Variants in CADPS observed in about 807,000 individuals in gnomAD.
CADPS encodes the protein calcium-dependent secretion activator 1.
A neutral mutation model predicts 167.3 loss-of-function variants in CADPS; 57 were observed. The ratio of observed to expected loss-of-function variants is 0.34; its 90% confidence interval spans 0.28 to 0.42. CADPS has a LOEUF of 0.42. CADPS is among the 20% of genes least tolerant of loss of function. The pLI is 1.00. For missense variants in CADPS, 1,414 were observed against 1,738.1 expected, an observed-to-expected ratio of 0.81 and a Z score of 3.32; for synonymous variants, 676 against 635.3, an observed-to-expected ratio of 1.06 and a Z score of -0.96.
At chr3:62,720,796 G>C (rs973302976) in intron 3 of CADPS, among the ~76,000 whole-genome samples, 9 of 150,282 alleles carry the variant, frequency 6.0e-5, no homozygotes, top group African/African-American at 1.7e-4. Flanking sequence ...TTTCCATATT[G>C]TCCATTATAT....
At chr3:62,570,631 C>T (rs911051388) in intron 9 of CADPS, among the ~76,000 whole-genome samples, 2 of 152,064 alleles carry the variant, frequency 1.3e-5, no homozygotes, top group South Asian at 4.1e-4. Context: ...TATGAGTATT[C>T]ATTAATTTTT....
intron 1 of CADPS, among the ~76,000 whole-genome samples, chr3:62,859,523 G>T (rs74847757): frequency 1.3e-5 from 2 of 152,140 alleles, no homozygotes; most frequent in Non-Finnish European, 2.9e-5. Flanking sequence ...CTGCTTCGGG[G>T]GGAGACGTGC....
rs142160380 is a variant in CADPS, at chr3:62,596,354, C to A, written c.1326-3606G>T. ...GGGATTACAGGTGCCCGCCACCGTG[C>A]CCAGCTAATTTTTTTGTATTTTTAG... On this transcript the variant is annotated intron_variant, in intron 6 of 29. Transcript: ENST00000383710. 5.6e-3 allele frequency among the ~76,000 whole-genome samples: 857 copies of A among 151,966 alleles called. 12 individuals carry two copies. The highest frequency in any genetic ancestry group is 0.019 in the African/African-American group (808 of 41,436).
chr3:62,455,960 T>C lies in CADPS; in HGVS notation c.3636+9407A>G, dbSNP rs1472038273. 1.3e-5 allele frequency among the ~76,000 whole-genome samples: 2 copies of C among 152,196 alleles called. No individual in the cohort carries two copies. Among genetic ancestry groups the C allele is most frequent in the Non-Finnish European group, 2.9e-5 (2 of 68,030 alleles). On this transcript the variant is annotated intron_variant, in intron 26 of 29. Coordinates refer to ENST00000383710, the MANE Select transcript of CADPS (RefSeq NM_003716.4). This position sits in a 1 kb window ranked among gnomAD's most constrained non-coding sequence, Gnocchi z 4.4. ...ACTGCTGCCAGTGACAACTTATCTA[T>C]CATAGCCTGGGTTTGTAACACAGTG...
In CADPS at chr3:62,716,790, A is replaced by G. The variant is rs564939522; in HGVS notation, c.888+36651T>C. ...AGTTTGACTGATTTTTTTTGGTTGA[A>G]TTAGTAGATACTTTGGAGACATCAC... On this transcript the variant is annotated intron_variant, in intron 3 of 29. Transcript: ENST00000383710. Among the ~76,000 whole-genome samples the G allele has an allele frequency of 2.0e-5, 3 of 152,282 alleles. No individual in the cohort carries two copies. The South Asian group carries it at 6.2e-4, about 32-fold the overall frequency.
intron 3 of CADPS, among the ~76,000 whole-genome samples, chr3:62,713,739 C>T (rs530168436): frequency 6.6e-6 from 1 of 152,270 alleles, no homozygotes; most frequent in African/African-American, 2.4e-5. Context: ...CTCGCCTGCC[C>T]TGCATCAGTG....
At chr3:62,654,023 T>C (rs2070897843) in intron 4 of CADPS, among the ~76,000 whole-genome samples, 1 of 152,186 alleles carries the variant, frequency 6.6e-6, no homozygotes, top group Admixed American at 6.5e-5. Flanking sequence ...TAATGATTCA[T>C]CACAAAAGAA....
intron 1 of CADPS, among the ~76,000 whole-genome samples, chr3:62,836,257 A>G (rs1372599865): frequency 6.6e-6 from 1 of 152,168 alleles, no homozygotes; most frequent in Non-Finnish European, 1.5e-5. Context: ...TAAATTATCA[A>G]ACTAATCCAG....
chr3:62,828,164 T>C (rs1298014196), intron 1 of CADPS, among the ~76,000 whole-genome samples: 3 of 152,158 alleles, frequency 2.0e-5, no homozygotes, highest in South Asian at 2.1e-4. Context: ...AATTGTGCCC[T>C]CTGGGAGTTA....
At chr3:62,637,413 G>C (rs555246711) in intron 6 of CADPS, among the ~76,000 whole-genome samples, 2 of 152,288 alleles carry the variant, frequency 1.3e-5, no homozygotes, top group South Asian at 4.1e-4. Context: ...ATTATCATTA[G>C]TGTCTCTCCT....
chr3:62,670,065 TG>T (rs1310099589), intron 3 of CADPS, among the ~76,000 whole-genome samples: 1 of 152,200 alleles, frequency 6.6e-6, no homozygotes, highest in Non-Finnish European at 1.5e-5. Context: ...TGAGATCTAA[TG>T]CTGCCTGTGA....
chr3:62,867,344 G>A (rs2081891809), intron 1 of CADPS, among the ~76,000 whole-genome samples: 1 of 152,040 alleles, frequency 6.6e-6, no homozygotes, highest in South Asian at 2.1e-4. Flanking sequence ...CTTTATCTGA[G>A]TCTTCTGATA....
intron 3 of CADPS, among the ~76,000 whole-genome samples, chr3:62,675,093 C>T (rs184761184): frequency 0.011 from 1,731 of 152,124 alleles, 13 homozygotes; most frequent in Non-Finnish European, 0.016. Context: ...CTCTCTTCCA[C>T]AGAATTACTC....
chr3:62,611,679 G>C (rs561478268), intron 6 of CADPS, among the ~76,000 whole-genome samples: 2 of 152,270 alleles, frequency 1.3e-5, no homozygotes, highest in East Asian at 3.9e-4. Context: ...ATCTGTTATA[G>C]CTGTTCTTCA....
chr3:62,447,402 C>A (rs992196201), intron 26 of CADPS, among the ~76,000 whole-genome samples: 8 of 152,276 alleles, frequency 5.3e-5, no homozygotes, highest in East Asian at 1.9e-4. Flanking sequence ...TCTCTTAGAA[C>A]CTTACACTTG....
At chr3:62,755,766 A>T (rs1343467415) in intron 2 of CADPS, among the ~76,000 whole-genome samples, 3 of 152,222 alleles carry the variant, frequency 2.0e-5, no homozygotes, top group African/African-American at 7.2e-5. Context: ...AAAATTAATT[A>T]TAGACAAAAT....
At chr3:62,519,992 G>A (rs1185780780) in intron 13 of CADPS, among the ~76,000 whole-genome samples, 3 of 152,110 alleles carry the variant, frequency 2.0e-5, no homozygotes, top group Non-Finnish European at 4.4e-5. Context: ...ATTTGTTTAT[G>A]TAATCAGCAT....
chr3:62,574,924 T>C (rs1377939106), intron 8 of CADPS, among the ~76,000 whole-genome samples: 1 of 152,144 alleles, frequency 6.6e-6, no homozygotes, highest in Admixed American at 6.5e-5. Flanking sequence ...AAACAATAAC[T>C]TAAATATGTG....
At chr3:62,841,667 C>G (rs2076672464) in intron 1 of CADPS, among the ~76,000 whole-genome samples, 1 of 152,178 alleles carries the variant, frequency 6.6e-6, no homozygotes, top group African/African-American at 2.4e-5. Context: ...CACCACTGCA[C>G]TTCAGCCTGG....
Sources: gnomAD v4.1 joint callset for allele counts (sites outside exome capture counted in the v4.1 genomes callset) on GRCh38, gnomAD v4.1.1 for gene constraint, Gnocchi (gnomAD v3.1) non-coding constraint, MANE v1.5 for transcripts, NCBI Gene and HGNC (gene_info 2026-07-23, HGNC 2026-07-21) for gene names.